The following USP24 variants were observed in gnomAD, a reference collection of about 807,000 sequenced individuals.
USP24 encodes ubiquitin specific peptidase 24, also known as ubiquitin carboxyl-terminal hydrolase 24.
USP24 carries 97 observed loss-of-function variants against 361.6 expected under a neutral mutation model. That is an observed-to-expected ratio of 0.27 (90% CI 0.23 to 0.32). USP24 has a LOEUF of 0.32. Among genes scored for constraint, USP24 ranks in the 10% least tolerant of loss-of-function variants. USP24 has a pLI of 1.00. For missense variants in USP24, 2,353 were observed against 3,165.6 expected, an observed-to-expected ratio of 0.74 and a Z score of 6.16; for synonymous variants, 1,098 against 1,124.6, an observed-to-expected ratio of 0.98 and a Z score of 0.47.
intron 43 of USP24, 43 bp downstream of exon 43, chr1:55,101,541 C>T (rs766658335): frequency 9.6e-6 from 15 of 1,565,832 alleles, no homozygotes; most frequent in Admixed American, 9.5e-5. Context: ...AAGTAACGCA[C>T]GTATTATCTA....
At chr1:55,168,835 T>G (rs1274427722) in intron 5 of USP24, among the ~76,000 whole-genome samples, 1 of 152,202 alleles carries the variant, frequency 6.6e-6, no homozygotes. Context: ...CAAACTGTAG[T>G]GCTTCCAGGC....
intron 1 of USP24, 72 bp downstream of exon 1, chr1:55,214,718 G>A: frequency 9.0e-7 from 1 of 1,105,442 alleles, no homozygotes; most frequent in Non-Finnish European, 1.1e-6. Flanking sequence ...ACCAAGCCCA[G>A]CGGGGTGTGT....
intron 1 of USP24, among the ~76,000 whole-genome samples, chr1:55,192,376 C>T (rs1021460896): frequency 6.6e-6 from 1 of 152,156 alleles, no homozygotes; most frequent in Non-Finnish European, 1.5e-5. Context: ...GGATAAGAGA[C>T]TACCAGTGTT....
At chr1:55,188,157 A>C (rs1260026264) in intron 1 of USP24, among the ~76,000 whole-genome samples, 1 of 152,220 alleles carries the variant, frequency 6.6e-6, no homozygotes, top group East Asian at 1.9e-4. Flanking sequence ...ACAAAAAAGT[A>C]ATCCAATGGA....
At position 55,166,617 on chromosome 1, in the gene USP24, A is replaced by G; in HGVS notation, c.826-14T>C. ...TCCATGAGGCTCCTATGAGAAAAGA[A>G]AAACAAAATTGAGATGGCAATATAA... On this transcript the variant is annotated splice_polypyrimidine_tract_variant and intron_variant, in intron 5 of 67. Transcript: ENST00000294383. The G allele has an allele frequency of 1.3e-6, 2 of 1,585,434 alleles. No homozygotes were observed. The highest frequency in any genetic ancestry group is 1.7e-6 in the Non-Finnish European group (2 of 1,165,160).
chr1:55,097,723 GAAAA>G lies in USP24; in HGVS notation c.5596-10_5596-7del. The G allele has an allele frequency of 7.6e-7, 1 of 1,316,090 alleles. No homozygotes were observed. The highest frequency in any genetic ancestry group is 1.0e-6 in the Non-Finnish European group (1 of 995,994). The allele number at this position is 1,316,090 out of a possible 1,614,324, so 81.5% of individuals were successfully genotyped here. On this transcript the variant is annotated splice_polypyrimidine_tract_variant and splice_region_variant and intron_variant, in intron 47 of 67. Transcript: ENST00000294383. ...GTCCTTTTCACTGTTATTCTCTAAA[GAAAA>G]AAAAAAGGAAAAAGAGCAAATCTGA...
At chr1:55,214,193 A>C (rs1644921829) in intron 1 of USP24, among the ~76,000 whole-genome samples, 1 of 149,756 alleles carries the variant, frequency 6.7e-6, no homozygotes, top group Non-Finnish European at 1.5e-5. Flanking sequence ...TTTAAATCCT[A>C]CTCAATGCCC....
rs955947644 is a variant in USP24, at chr1:55,066,701, T to C, written c.*2344A>G. 6.6e-6 allele frequency: 1 copy of C among 152,196 alleles called. No homozygotes were observed. Among genetic ancestry groups the C allele is most frequent in the Non-Finnish European group, 1.5e-5 (1 of 68,040 alleles). 9.4% of individuals were successfully genotyped at this position (152,196 alleles called of 1,614,324 possible). ...ATGCCCGCTGGGATGCTTGTTTTCT[T>C]TCCCAGGATGCCTTCAACGGGCAGA... On this transcript the variant is annotated 3_prime_UTR_variant, in exon 68 of 68. Transcript: ENST00000294383.
At chr1:55,099,729 TAGAGTTTGAG>T (rs1557556809) in intron 45 of USP24, 32 bp downstream of exon 45, 2 of 1,375,650 alleles carry the variant, frequency 1.5e-6, no homozygotes, top group Non-Finnish European at 1.0e-6. Context: ...ATACTATAAT[TAGAGTTTGAG>T]GGAGTTAGAG....
intron 26 of USP24, among the ~76,000 whole-genome samples, chr1:55,138,201 T>C (rs1646791176): frequency 1.3e-5 from 2 of 152,184 alleles, no homozygotes; most frequent in South Asian, 4.1e-4. Context: ...GCCACCTTGC[T>C]TGCCTTTGTA....
chr1:55,132,509 T>G (rs956920421), intron 31 of USP24, 36 bp downstream of exon 31: 9 of 1,585,084 alleles, frequency 5.7e-6, no homozygotes, highest in Non-Finnish European at 7.7e-6. Flanking sequence ...CAAATAGACC[T>G]GTCAAAATGA....
chr1:55,133,594 T>G (rs543297925), intron 30 of USP24, among the ~76,000 whole-genome samples: 2 of 152,088 alleles, frequency 1.3e-5, no homozygotes, highest in Non-Finnish European at 2.9e-5. Context: ...AAGTCAACAT[T>G]AAGTTCTGAT....
At chr1:55,178,859 C>G (rs1650282218) in intron 1 of USP24, among the ~76,000 whole-genome samples, 1 of 152,020 alleles carries the variant, frequency 6.6e-6, no homozygotes, top group African/African-American at 2.4e-5. Flanking sequence ...GAGCCTGTCT[C>G]TCTACAAAAC....
In USP24 at chr1:55,138,957, A is replaced by G. The variant is rs1166224590; in HGVS notation, c.2804T>C (p.Val935Ala). ...GAAGTGGCTTACCTCTATAGTGATCACATAGCGCTCTGCCAGAAGCAGCAA... is the reference window on the plus strand; with the variant it reads ...GAAGTGGCTTACCTCTATAGTGATCGCATAGCGCTCTGCCAGAAGCAGCAA... ...ERLLLLAERY[V>A]ITIEDFYSVP... The change falls in exon 25 of 68, where the codon GTG becomes GCG. Residue 935 changes from valine to alanine, a missense_variant. Around this residue, in one of 8 missense-constraint regions of USP24, gnomAD observed 949 missense variants for 1,280.5 expected, o/e 0.74. Coordinates refer to ENST00000294383, the MANE Select transcript of USP24 (RefSeq NM_015306.3). 6.2e-7 allele frequency: 1 copy of G among 1,613,008 alleles called. No homozygotes were observed. The highest frequency in any genetic ancestry group is 1.3e-5 in the African/African-American group (1 of 74,992).
Position 55,147,726 on chromosome 1 carries a change from G to A in USP24, c.2041C>T (p.Arg681Trp), listed in dbSNP as rs752758281. ...LVTGSLIACH[R>W]LAAAVAGPGG... ...GGCCCGGCCACAGCAGCTGCAAGCC[G>A]ATGACAAGCGATCAAACTTCCCGTT... Residue 681 changes from arginine to tryptophan, a missense_variant, in exon 18 of 68, where the codon CGG becomes TGG. By Grantham distance (101) the Arg-to-Trp change is moderately radical. Around this residue, in one of 8 missense-constraint regions of USP24, gnomAD observed 949 missense variants for 1,280.5 expected, o/e 0.74. Transcript: ENST00000294383. 6.2e-6 allele frequency: 10 copies of A among 1,612,302 alleles called. No individual in the cohort carries two copies. The highest frequency in any genetic ancestry group is 1.6e-4 in the Middle Eastern group (1 of 6,076).
chr1:55,143,238 G>A, intron 21 of USP24, 119 bp from the exon 22 acceptor site: 3 of 721,886 alleles, frequency 4.2e-6, no homozygotes, highest in Non-Finnish European at 6.2e-6. Context: ...TATGAATTAA[G>A]GCTGCAAAAC....
intron 5 of USP24, among the ~76,000 whole-genome samples, chr1:55,167,354 G>C (rs1411154463): frequency 2.0e-5 from 3 of 152,192 alleles, no homozygotes; most frequent in Middle Eastern, 6.8e-3. Context: ...AATGGCAAAG[G>C]TCCTGATGGG....
In USP24 at chr1:55,093,028, ATTATAAT is replaced by A. The variant is rs1162542561; in HGVS notation, c.6355-119_6355-113del. 37 of 639,032 alleles carry A rather than the reference ATTATAAT, an allele frequency of 5.8e-5. No homozygotes were observed. The South Asian group carries it at 9.7e-4, about 17-fold the overall frequency. The allele number at this position is 639,032 out of a possible 1,614,324, so 39.6% of individuals were successfully genotyped here. On this transcript the variant is annotated intron_variant, in intron 52 of 67. Transcript: ENST00000294383. ...GGTAAAAAGCACTTATAAAAAGTGA[ATTATAAT>A]TTATAATTCCCCTTTCTCAAGTTTT...
intron 1 of USP24, among the ~76,000 whole-genome samples, chr1:55,182,611 C>T (rs536554446): frequency 6.6e-6 from 1 of 152,262 alleles, no homozygotes; most frequent in Non-Finnish European, 1.5e-5. Flanking sequence ...TATTATGTGC[C>T]TCCTGATATG....
Sources: gnomAD v4.1 joint callset for allele counts (sites outside exome capture counted in the v4.1 genomes callset) on GRCh38, gnomAD v4.1.1 for gene constraint, gnomAD v4.1.1 regional missense constraint, MANE v1.5 for transcripts, NCBI Gene and HGNC (gene_info 2026-07-23, HGNC 2026-07-21) for gene names.